Variants in ARG2 observed in about 807,000 individuals in gnomAD.
ARG2 encodes arginase-2, mitochondrial.
A neutral mutation model predicts 39.4 loss-of-function variants in ARG2; 21 were observed. The ratio of observed to expected loss-of-function variants is 0.53; its 90% CI spans 0.38 to 0.77. The LOEUF is 0.77. Among genes scored for constraint, ARG2 ranks in the 30% least tolerant of loss-of-function variants. The probability of loss-of-function intolerance (pLI) is 0.00; values close to 1 mark genes in which losing one functional copy is unlikely to be tolerated. For missense variants in ARG2, 378 were observed against 426.2 expected (o/e 0.89, Z 1.00); for synonymous variants, 150 against 156.7 (o/e 0.96, Z 0.32).
intron 2 of ARG2, among the ~76,000 whole-genome samples, chr14:67,631,434 C>CTTTTTTTTT (rs1319430069): frequency 7.1e-5 from 8 of 113,124 alleles, no homozygotes; most frequent in Non-Finnish European, 1.2e-4. Context: ...TTCTTTCTTT[C>CTTTTTTTTT]TTTTTTTTTT....
chr14:67,649,066 A>T (rs1335027137), intron 7 of ARG2: 2 of 152,178 alleles, frequency 1.3e-5, no homozygotes, highest in Admixed American at 1.3e-4. Context: ...GCAATCTTAG[A>T]TGTTGCCAGT....
chr14:67,644,529 T>C (rs1184221007), intron 3 of ARG2, among the ~76,000 whole-genome samples: 2 of 152,212 alleles, frequency 1.3e-5, no homozygotes, highest in African/African-American at 4.8e-5. Flanking sequence ...AGAAGGATGG[T>C]TGCAGTCCTA....
rs144637901 is a variant in ARG2, at chr14:67,646,577, C to T, written c.523-67C>T. On this transcript the variant is annotated intron_variant, in intron 4 of 7. Coordinates refer to ENST00000261783, the MANE Select transcript of ARG2 (RefSeq NM_001172.4). ...AAAGCAGATTGCATACCCACGGACG[C>T]ACATGATAATGATCTTGGTGAGAAC... 273 of 1,321,096 alleles carry T rather than the reference C, an allele frequency of 2.1e-4. No homozygotes were observed. The African/African-American group carries it at 3.6e-3, about 17-fold the overall frequency. 81.8% of individuals were successfully genotyped at this position (1,321,096 alleles called of 1,614,324 possible). A position where few individuals can be genotyped will look rare whatever the true frequency, so the allele number is the denominator to read the frequency against.
chr14:67,634,521 G>C (rs972971421), intron 2 of ARG2, among the ~76,000 whole-genome samples: 4 of 150,790 alleles, frequency 2.7e-5, no homozygotes, highest in African/African-American at 4.9e-5. Context: ...TTGAGCCTGG[G>C]AGATGGAGGC....
chr14:67,629,817 A>G (rs945620209), intron 2 of ARG2, among the ~76,000 whole-genome samples: 1 of 152,246 alleles, frequency 6.6e-6, no homozygotes, highest in Admixed American at 6.5e-5. Flanking sequence ...TGCGTTAGTG[A>G]AGACTACACA....
intron 2 of ARG2, among the ~76,000 whole-genome samples, chr14:67,636,855 C>G (rs987428114): frequency 6.6e-6 from 1 of 152,314 alleles, no homozygotes; most frequent in East Asian, 1.9e-4. Flanking sequence ...ATTTCAGGCT[C>G]CTCTTGTCCT....
At chr14:67,634,568 TG>T (rs2036950337) in intron 2 of ARG2, among the ~76,000 whole-genome samples, 1 of 146,296 alleles carries the variant, frequency 6.8e-6, no homozygotes, top group South Asian at 2.2e-4. Context: ...CACTCCATCT[TG>T]GGCAACAGAA....
chr14:67,621,068 C>G, intron 2 of ARG2, 102 bp downstream of exon 2: 1 of 1,076,564 alleles, frequency 9.3e-7, no homozygotes, highest in Non-Finnish European at 1.4e-6. Context: ...TGTTTGGGAA[C>G]AGTCTGCCAC....
Position 67,651,682 on chromosome 14 carries a change from GAGAC to G in ARG2, c.*764_*767del, listed in dbSNP as rs1348208544. 2 of 446,660 alleles carry G rather than the reference GAGAC, an allele frequency of 4.5e-6. No homozygotes were observed. Among genetic ancestry groups the G allele is most frequent in the Non-Finnish European group, 7.7e-6 (2 of 258,374 alleles). The allele number at this position is 446,660 out of a possible 1,614,324, so 27.7% of individuals were successfully genotyped here. On this transcript the variant is annotated 3_prime_UTR_variant, in exon 8 of 8. Coordinates refer to ENST00000261783, the MANE Select transcript of ARG2 (RefSeq NM_001172.4). Reference sequence around the variant, plus strand: ...GTCTACCTCACAGAAATGTTAAACTGAGACAATAAAAACCAAAGCATAAAAATGG... The same window carrying G: ...GTCTACCTCACAGAAATGTTAAACTGAATAAAAACCAAAGCATAAAAATGG...
chr14:67,639,155 A>G (rs1261308439), intron 2 of ARG2, among the ~76,000 whole-genome samples: 1 of 152,202 alleles, frequency 6.6e-6, no homozygotes, highest in African/African-American at 2.4e-5. Flanking sequence ...AAGATTGCCA[A>G]ATTCTCTTTA....
In ARG2 at chr14:67,634,430, CAAAAAAA is replaced by C. The variant is rs574075570; in HGVS notation, c.185-7742_185-7736del. The stretch of plus-strand genomic sequence containing the variant: ...TAGCATGGCAAAACTCTATCTCTAC[CAAAAAAA>C]AAAAAAAAAAAAATTTAGCTAGGTG... On this transcript the variant is annotated intron_variant, in intron 2 of 7. Coordinates refer to ENST00000261783, the MANE Select transcript of ARG2 (RefSeq NM_001172.4). Among the ~76,000 whole-genome samples the C allele has an allele frequency of 4.4e-3, 504 of 114,480 alleles. 4 individuals carry two copies. Among genetic ancestry groups the C allele is most frequent in the African/African-American group, 0.016 (481 of 30,836 alleles). The allele number at this position is 114,480 out of a possible 152,430, so 75.1% of individuals were successfully genotyped here.
intron 5 of ARG2, 39 bp from the exon 6 acceptor site, chr14:67,646,882 C>T: frequency 6.8e-7 from 1 of 1,472,814 alleles, no homozygotes; most frequent in Non-Finnish European, 9.5e-7. Context: ...TAAAAATGCT[C>T]TTTAAACTAA....
At chr14:67,623,711 T>C (rs1447832457) in intron 2 of ARG2, among the ~76,000 whole-genome samples, 1 of 152,032 alleles carries the variant, frequency 6.6e-6, no homozygotes, top group Non-Finnish European at 1.5e-5. Flanking sequence ...CTGACTAATT[T>C]TTGTATTTTT....
intron 2 of ARG2, among the ~76,000 whole-genome samples, chr14:67,621,831 T>C (rs1200094547): frequency 1.3e-5 from 2 of 151,532 alleles, no homozygotes; most frequent in Non-Finnish European, 2.9e-5. Context: ...GTGCGGTGGC[T>C]CATGCCTGTA....
At chr14:67,645,963 G>A (rs2037092992) in intron 4 of ARG2, among the ~76,000 whole-genome samples, 161 bp downstream of exon 4, 1 of 152,156 alleles carries the variant, frequency 6.6e-6, no homozygotes, top group Non-Finnish European at 1.5e-5. Flanking sequence ...CAGATGCTAG[G>A]GGTATAAAGA....
At chr14:67,627,508 T>G (rs2140721839) in intron 2 of ARG2, among the ~76,000 whole-genome samples, 2 of 152,250 alleles carry the variant, frequency 1.3e-5, no homozygotes, top group Admixed American at 1.3e-4. Flanking sequence ...AGGTGCCTTT[T>G]GAACAGTGTC....
Position 67,630,987 on chromosome 14 carries a change from C to T in ARG2, c.184+10021C>T, listed in dbSNP as rs77600355. 2.9e-3 allele frequency among the ~76,000 whole-genome samples: 440 copies of T among 152,314 alleles called. 1 individual carries two copies. Among genetic ancestry groups the T allele is most frequent in the South Asian group, 0.012 (56 of 4,826 alleles). On this transcript the variant is annotated intron_variant, in intron 2 of 7. Coordinates refer to ENST00000261783, the MANE Select transcript of ARG2 (RefSeq NM_001172.4). ...GAATGAATGTTGGGTAACTAACACT[C>T]GGCAGTGCCCTCTCCCTATGCTCTA...
At position 67,619,961 on chromosome 14, in the gene ARG2, T is replaced by A. The variant is rs768675587; in HGVS notation, c.-17T>A. ...CGCGCGGAGCCTCTGCCTTGGAGAT[T>A]CTCAGTGCTGCGGATCATGTCCCTA... On this transcript the variant is annotated 5_prime_UTR_variant, in exon 1 of 8. Coordinates refer to ENST00000261783, the MANE Select transcript of ARG2 (RefSeq NM_001172.4). 6.5e-7 allele frequency: 1 copy of A among 1,546,848 alleles called. No homozygotes were observed. The highest frequency in any genetic ancestry group is 8.8e-7 in the Non-Finnish European group (1 of 1,139,770).
At chr14:67,622,010 T>C (rs2036815580) in intron 2 of ARG2, among the ~76,000 whole-genome samples, 1 of 152,160 alleles carries the variant, frequency 6.6e-6, no homozygotes, top group Admixed American at 6.5e-5. Context: ...GACAGAAGAA[T>C]TGCTTGAACC....
Sources: allele counts gnomAD v4.1 joint callset (sites outside exome capture counted in the v4.1 genomes callset), GRCh38; gene constraint gnomAD v4.1.1; transcripts MANE v1.5; gene names NCBI Gene and HGNC (gene_info 2026-07-23, HGNC 2026-07-21).